Variants in EBF1 observed in about 807,000 individuals in gnomAD.
EBF1 encodes transcription factor COE1.
EBF1 carries 10 observed loss-of-function variants against 68.4 expected under a neutral mutation model. The ratio of observed to expected loss-of-function variants is 0.15; its 90% CI spans 0.09 to 0.25. The LOEUF is 0.25. Ranked by LOEUF, EBF1 falls within the 10% of genes least tolerant of loss-of-function variation. The pLI is 1.00. For synonymous variants in EBF1, 298 were observed against 299.8 expected, an observed-to-expected ratio of 0.99 and a Z score of 0.06; for missense variants, 509 against 794.4, an observed-to-expected ratio of 0.64 and a Z score of 4.32.
At chr5:158,901,477 C>T (rs1185683673) in intron 6 of EBF1, among the ~76,000 whole-genome samples, 1 of 152,232 alleles carries the variant, frequency 6.6e-6, no homozygotes, top group African/African-American at 2.4e-5. Flanking sequence ...TCTGTGCCTT[C>T]TGGTTCATTC....
chr5:159,094,181 A>AC (rs1313696815), intron 4 of EBF1, among the ~76,000 whole-genome samples: 9 of 147,692 alleles, frequency 6.1e-5, no homozygotes, highest in South Asian at 2.1e-4. Context: ...AAAAAAAAAA[A>AC]AAAAAAAAAA....
intron 6 of EBF1, among the ~76,000 whole-genome samples, chr5:158,967,445 T>C (rs909878276): frequency 6.6e-6 from 1 of 152,184 alleles, no homozygotes; most frequent in African/African-American, 2.4e-5. Context: ...AAAGTTTCTC[T>C]TTAGTGCTAC....
intron 11 of EBF1, among the ~76,000 whole-genome samples, chr5:158,721,962 T>C (rs1762021930): frequency 6.6e-6 from 1 of 151,798 alleles, no homozygotes; most frequent in Non-Finnish European, 1.5e-5. Context: ...TGGTAATTGG[T>C]GAATGGGAGC....
At chr5:159,008,811 A>G (rs1288083432) in intron 6 of EBF1, among the ~76,000 whole-genome samples, 6 of 152,184 alleles carry the variant, frequency 3.9e-5, no homozygotes, top group African/African-American at 1.4e-4. Context: ...TGCTGGGATT[A>G]CAGGTGTGAG....
intron 4 of EBF1, among the ~76,000 whole-genome samples, chr5:159,094,993 C>T (rs1386212325): frequency 6.6e-6 from 1 of 152,136 alleles, no homozygotes; most frequent in Non-Finnish European, 1.5e-5. Context: ...CGTCTATGTA[C>T]CTTTAAGACC....
rs558712099 is a variant in EBF1 at position 158,817,051 on chromosome 5, C to T, written c.778+6125G>A. 3.3e-5 allele frequency among the ~76,000 whole-genome samples: 5 copies of T among 152,268 alleles called. No homozygotes were observed. In the East Asian group the frequency reaches 5.8e-4, roughly 18 times the overall value. ...GCCCTGCTTGACCTCCTCCCCACTT[C>T]GCAATTGCCACCAAGACCATGGCCT... On this transcript the variant is annotated intron_variant, in intron 8 of 15. Transcript: ENST00000313708.
chr5:158,973,509 C>T (rs559522267), intron 6 of EBF1, among the ~76,000 whole-genome samples: 2 of 152,038 alleles, frequency 1.3e-5, no homozygotes, highest in African/African-American at 4.8e-5. Context: ...TTAGATAGGA[C>T]CAGCAAATCA....
chr5:158,828,038 T>A (rs1368297), intron 7 of EBF1, among the ~76,000 whole-genome samples: 89,500 of 151,942 alleles, frequency 0.59, 26,541 homozygotes, highest in South Asian at 0.7. Context: ...AAAGTTAGTC[T>A]GTTCTATGCT....
intron 6 of EBF1, among the ~76,000 whole-genome samples, chr5:158,976,506 C>T (rs1358188686): frequency 1.5e-5 from 2 of 130,508 alleles, no homozygotes; most frequent in Non-Finnish European, 3.1e-5. Flanking sequence ...GTTTTTATTG[C>T]AAAGGCCTTG....
At chr5:158,777,208 G>A (rs1455496112) in intron 10 of EBF1, among the ~76,000 whole-genome samples, 3 of 152,168 alleles carry the variant, frequency 2.0e-5, no homozygotes, top group South Asian at 2.1e-4. Flanking sequence ...TCAACAGAAC[G>A]CGCCATTCAA....
At chr5:159,042,880 A>C (rs1053976115) in intron 6 of EBF1, among the ~76,000 whole-genome samples, 1 of 151,896 alleles carries the variant, frequency 6.6e-6, no homozygotes, top group Non-Finnish European at 1.5e-5. Flanking sequence ...AAAATAAAAA[A>C]GTTAAATAGG....
intron 6 of EBF1, among the ~76,000 whole-genome samples, chr5:158,866,631 C>T (rs936770124): frequency 7.2e-5 from 11 of 151,852 alleles, no homozygotes; most frequent in African/African-American, 2.4e-4. Context: ...ATATTTCACA[C>T]GTCACTTTTA....
intron 6 of EBF1, among the ~76,000 whole-genome samples, chr5:158,892,624 T>A (rs1202669716): frequency 6.6e-5 from 10 of 152,206 alleles, no homozygotes; most frequent in African/African-American, 2.4e-4. Flanking sequence ...TAATATATTG[T>A]ATAAAATTGC....
At chr5:159,028,808 G>GAGCC (rs1035727828) in intron 6 of EBF1, among the ~76,000 whole-genome samples, 1 of 152,172 alleles carries the variant, frequency 6.6e-6, no homozygotes. Flanking sequence ...AGACAAGAAA[G>GAGCC]AGCCAGTCAT....
At chr5:158,971,511 T>C (rs1420800376) in intron 6 of EBF1, among the ~76,000 whole-genome samples, 1 of 152,234 alleles carries the variant, frequency 6.6e-6, no homozygotes, top group East Asian at 1.9e-4. Flanking sequence ...TGGTTGCTTT[T>C]GCTTCGGTTG....
chr5:158,928,319 T>G (rs1810106537), intron 6 of EBF1, among the ~76,000 whole-genome samples: 1 of 152,192 alleles, frequency 6.6e-6, no homozygotes, highest in African/African-American at 2.4e-5. Context: ...AATAAATATG[T>G]TCATTCATTG....
At chr5:158,793,971 T>A (rs1377696642) in intron 9 of EBF1, among the ~76,000 whole-genome samples, 2 of 152,164 alleles carry the variant, frequency 1.3e-5, no homozygotes, top group Non-Finnish European at 2.9e-5. Flanking sequence ...ATCAGGACAA[T>A]CATGATGATA....
chr5:158,703,412 A>C (rs1027070670), intron 15 of EBF1, among the ~76,000 whole-genome samples: 1 of 152,236 alleles, frequency 6.6e-6, no homozygotes, highest in Non-Finnish European at 1.5e-5. Context: ...TCTGTAGGCA[A>C]ACAAGTTTGC....
chr5:159,007,230 G>A (rs1377599621), intron 6 of EBF1, among the ~76,000 whole-genome samples: 1 of 152,030 alleles, frequency 6.6e-6, no homozygotes, highest in Non-Finnish European at 1.5e-5. Context: ...GGAAAGGAAA[G>A]GAAGAAGCAC....
Sources: allele counts gnomAD v4.1 joint callset (sites outside exome capture counted in the v4.1 genomes callset), GRCh38; gene constraint gnomAD v4.1.1; transcripts MANE v1.5; gene names NCBI Gene and HGNC (gene_info 2026-07-23, HGNC 2026-07-21).